PTPRM: variants seen among roughly 807,000 people sequenced by gnomAD.
PTPRM encodes the protein receptor-type tyrosine-protein phosphatase mu.
Under a neutral mutation model 186.7 loss-of-function variants are expected in PTPRM, and 47 were observed. That is an observed-to-expected ratio of 0.25 (90% CI 0.20 to 0.32). The LOEUF (loss-of-function observed/expected upper bound fraction) is 0.32. Ranked by LOEUF, PTPRM falls within the 10% of genes least tolerant of loss-of-function variation. The pLI is 1.00. For missense variants in PTPRM, 1,494 were observed against 1,865.0 expected (o/e 0.80, Z 3.66); for synonymous variants, 668 against 674.9 (o/e 0.99, Z 0.16).
At chr18:8,174,065 C>CAA (rs112437802) in intron 14 of PTPRM, among the ~76,000 whole-genome samples, 4 of 122,956 alleles carry the variant, frequency 3.3e-5, no homozygotes, top group Non-Finnish European at 3.5e-5. Context: ...GACTCTGTCT[C>CAA]AAAAAAAAAA....
intron 1 of PTPRM, among the ~76,000 whole-genome samples, chr18:7,767,525 G>A (rs1309703800): frequency 6.6e-6 from 1 of 152,090 alleles, no homozygotes; most frequent in South Asian, 2.1e-4. Flanking sequence ...GGGTGAAAAT[G>A]GGCCATTTTC....
intron 1 of PTPRM, among the ~76,000 whole-genome samples, chr18:7,634,751 T>C (rs1193986993): frequency 1.3e-5 from 2 of 152,226 alleles, no homozygotes; most frequent in Non-Finnish European, 2.9e-5. Context: ...GTTATCACCT[T>C]TTACACAGTG....
At chr18:7,977,200 C>T (rs2055011379) in intron 7 of PTPRM, among the ~76,000 whole-genome samples, 1 of 152,120 alleles carries the variant, frequency 6.6e-6, no homozygotes, top group African/African-American at 2.4e-5. Context: ...AGTAATTCTC[C>T]TGCCTCAGCC....
At chr18:7,658,877 C>T (rs1000823001) in intron 1 of PTPRM, among the ~76,000 whole-genome samples, 2 of 146,270 alleles carry the variant, frequency 1.4e-5, no homozygotes, top group Admixed American at 6.6e-5. Flanking sequence ...TCATTCATTC[C>T]CCAGTTCTTG....
Position 8,376,621 on chromosome 18 carries a change from T to C in PTPRM, c.3462+24T>C, listed in dbSNP as rs918189545. On this transcript the variant is annotated intron_variant, in intron 26 of 32. Transcript: ENST00000580170. ...AGGTACTCCCGCTCATCACCTAGCCTGGGGCCTTGGTCCCTGGGCTCCCTC... is the reference window on the plus strand; with the variant it reads ...AGGTACTCCCGCTCATCACCTAGCCCGGGGCCTTGGTCCCTGGGCTCCCTC... 24 of 1,600,808 alleles carry C rather than the reference T, an allele frequency of 1.5e-5. No individual in the cohort carries two copies. In the Admixed American group the frequency reaches 1.5e-4, roughly 10 times the overall value.
At chr18:8,023,265 A>G (rs894782973) in intron 7 of PTPRM, among the ~76,000 whole-genome samples, 3 of 152,094 alleles carry the variant, frequency 2.0e-5, no homozygotes, top group Non-Finnish European at 4.4e-5. Flanking sequence ...AAAGAGACTA[A>G]AAGTTCAGTC....
At chr18:8,368,489 G>A (rs1958927444) in intron 23 of PTPRM, among the ~76,000 whole-genome samples, 1 of 152,146 alleles carries the variant, frequency 6.6e-6, no homozygotes, top group South Asian at 2.1e-4. Flanking sequence ...AGAAGGCTGA[G>A]CACTTACTGA....
At chr18:7,738,328 T>G (rs1243867288) in intron 1 of PTPRM, among the ~76,000 whole-genome samples, 2 of 152,190 alleles carry the variant, frequency 1.3e-5, no homozygotes, top group Non-Finnish European at 2.9e-5. Context: ...TGTGGAAGCG[T>G]TTTCCCTGCA....
In PTPRM at chr18:8,086,906, G is replaced by A. The variant is rs76796103; in HGVS notation, c.1753+1034G>A. Among the ~76,000 whole-genome samples the A allele has an allele frequency of 7.7e-3, 1,178 of 152,172 alleles. 12 individuals carry two copies. The highest frequency in any genetic ancestry group is 0.027 in the African/African-American group (1,112 of 41,546). ...AAATTTAATACACTTGATATTCTGT[G>A]TATAGAATTAGGTTATAGAAACAGT... On this transcript the variant is annotated intron_variant, in intron 10 of 32. Coordinates refer to ENST00000580170, the MANE Select transcript of PTPRM (RefSeq NM_001105244.2).
intron 7 of PTPRM, among the ~76,000 whole-genome samples, chr18:7,959,118 C>T (rs2061049921): frequency 6.6e-6 from 1 of 152,156 alleles, no homozygotes; most frequent in Non-Finnish European, 1.5e-5. Flanking sequence ...TTGTTGTGAG[C>T]CTTAATGAGC....
intron 1 of PTPRM, among the ~76,000 whole-genome samples, chr18:7,710,581 C>A (rs587115): frequency 0.64 from 96,603 of 152,034 alleles, 32,556 homozygotes; most frequent in East Asian, 0.99. Flanking sequence ...AAAAGCATCC[C>A]AATTGGAAAA....
chr18:7,849,719 A>G (rs1292125491), intron 2 of PTPRM, among the ~76,000 whole-genome samples: 2 of 152,200 alleles, frequency 1.3e-5, no homozygotes. Context: ...AAAAGAATGG[A>G]CCAGTTGTGC....
chr18:7,832,256 G>C (rs1434615787), intron 2 of PTPRM, among the ~76,000 whole-genome samples: 2 of 152,140 alleles, frequency 1.3e-5, no homozygotes, highest in Admixed American at 6.6e-5. Flanking sequence ...GTATATGAAG[G>C]TTCCCTTTTC....
At chr18:8,143,302 T>G (rs1345190875) in intron 13 of PTPRM, among the ~76,000 whole-genome samples, 1 of 152,152 alleles carries the variant, frequency 6.6e-6, no homozygotes, top group Non-Finnish European at 1.5e-5. Context: ...GGATAGCTAT[T>G]GTGCTGTTAG....
intron 20 of PTPRM, among the ~76,000 whole-genome samples, chr18:8,303,427 G>A (rs970064834): frequency 2.0e-5 from 3 of 152,140 alleles, no homozygotes; most frequent in South Asian, 2.1e-4. Context: ...CTAACATTTT[G>A]TTTTATAGCA....
At chr18:8,348,699 T>C (rs2095518733) in intron 23 of PTPRM, among the ~76,000 whole-genome samples, 1 of 152,206 alleles carries the variant, frequency 6.6e-6, no homozygotes, top group African/African-American at 2.4e-5. Context: ...CCAGAAGTCT[T>C]ATAACCAAAT....
chr18:7,923,145 A>G (rs2050967081), intron 4 of PTPRM, among the ~76,000 whole-genome samples: 1 of 152,194 alleles, frequency 6.6e-6, no homozygotes, highest in South Asian at 2.1e-4. Flanking sequence ...GCGGGGTAAA[A>G]TTTAGAATAG....
intron 14 of PTPRM, among the ~76,000 whole-genome samples, chr18:8,222,946 A>AG (rs1360773535): frequency 5.9e-5 from 9 of 152,092 alleles, no homozygotes; most frequent in African/African-American, 2.2e-4. Context: ...ATAATAGGCT[A>AG]GTGTGGTGGC....
At chr18:8,021,178 C>T (rs560727163) in intron 7 of PTPRM, among the ~76,000 whole-genome samples, 3 of 152,160 alleles carry the variant, frequency 2.0e-5, no homozygotes, top group African/African-American at 4.8e-5. Flanking sequence ...GTGTACTTGG[C>T]GACAAGCCTT....
Sources: gnomAD v4.1 joint callset for allele counts (sites outside exome capture counted in the v4.1 genomes callset) on GRCh38, gnomAD v4.1.1 for gene constraint, MANE v1.5 for transcripts, NCBI Gene and HGNC (gene_info 2026-07-23, HGNC 2026-07-21) for gene names.